Variants in MDH1B observed in about 807,000 individuals in gnomAD.
MDH1B encodes putative malate dehydrogenase 1B.
MDH1B carries 60 observed loss-of-function variants against 61.4 expected under a neutral mutation model. The ratio of observed to expected loss-of-function variants is 0.98; its 90% CI spans 0.79 to 1.21. MDH1B has a LOEUF of 1.21. MDH1B is among the 50% of genes most tolerant of loss of function. MDH1B has a pLI of 0.00. For synonymous variants in MDH1B, 236 were observed against 218.7 expected (o/e 1.08, Z -0.70); for missense variants, 587 against 632.1 (o/e 0.93, Z 0.76).
intron 3 of MDH1B, 22 bp from the exon 4 acceptor site, chr2:206,757,062 G>A (rs1451698473): frequency 4.4e-6 from 7 of 1,606,464 alleles, no homozygotes; most frequent in Non-Finnish European, 6.0e-6. Flanking sequence ...GAGAGAAAAA[G>A]TCAATATCAG....
intron 5 of MDH1B, among the ~76,000 whole-genome samples, chr2:206,754,420 A>G (rs1179829843): frequency 2.0e-5 from 3 of 152,178 alleles, no homozygotes; most frequent in African/African-American, 7.2e-5. Flanking sequence ...TTTACCATTC[A>G]AAGATTAATA....
chr2:206,761,102 G>A (rs1284820394), intron 1 of MDH1B, 89 bp from the exon 2 acceptor site: 1 of 678,484 alleles, frequency 1.5e-6, no homozygotes, highest in Admixed American at 2.5e-5. Context: ...TACAGAATTA[G>A]TCATAGTTAT....
chr2:206,741,837 G>C (rs1332974161), intron 9 of MDH1B, among the ~76,000 whole-genome samples: 1 of 152,104 alleles, frequency 6.6e-6, no homozygotes, highest in Non-Finnish European at 1.5e-5. Context: ...TCTGGAGTTG[G>C]CTGCTTAGTA....
chr2:206,757,280 C>A lies in MDH1B; in HGVS notation c.227G>T (p.Gly76Val). ...CTCATTATATCCTCCCAAAAGCAAA[C>A]CCTTTCCTCCACGATCCAACAGCTC... is the stretch of plus-strand genomic sequence containing the variant. The part of the protein sequence containing the change: ...WRELLDRGGK[G>V]LLLGGYNEFL... Residue 76 changes from glycine (G) to valine (V), a missense_variant, in exon 3 of 12, where the codon GGT becomes GTT. Coordinates refer to ENST00000374412, the MANE Select transcript of MDH1B (RefSeq NM_001039845.3). The A allele has an allele frequency of 6.2e-7, 1 of 1,614,076 alleles. No individual in the cohort carries two copies. The highest frequency in any genetic ancestry group is 8.5e-7 in the Non-Finnish European group (1 of 1,179,948).
In MDH1B at chr2:206,755,269, C is replaced by T. The variant is rs746838772; in HGVS notation, c.650G>A (p.Ser217Asn). The change falls in exon 5 of 12, where the codon AGC becomes AAC. Residue 217 changes from serine (S) to asparagine (N), a missense_variant. Coordinates refer to ENST00000374412, the MANE Select transcript of MDH1B (RefSeq NM_001039845.3). ...CAGAGTGAACACCTCCTTGTTGGTG[C>T]TGTCATCCAGCACCACAATGACGTG... Reference protein sequence around the residue: ...QAHVIVVLDDSTNKEVFTLED... With the variant: ...QAHVIVVLDDNTNKEVFTLED... 1.2e-6 allele frequency: 2 copies of T among 1,614,198 alleles called. No individual in the cohort carries two copies. Among genetic ancestry groups the T allele is most frequent in the Non-Finnish European group, 1.7e-6 (2 of 1,180,042 alleles).
At position 206,738,515 on chromosome 2, in the gene MDH1B, T is replaced by C; in HGVS notation, c.1529-4A>G. 3 of 1,576,762 alleles carry C rather than the reference T, an allele frequency of 1.9e-6. No individual in the cohort carries two copies. The highest frequency in any genetic ancestry group is 2.6e-6 in the Non-Finnish European group (3 of 1,155,058). On this transcript the variant is annotated splice_region_variant and splice_polypyrimidine_tract_variant and intron_variant, in intron 11 of 11. Coordinates refer to ENST00000374412, the MANE Select transcript of MDH1B (RefSeq NM_001039845.3). The stretch of plus-strand genomic sequence containing the variant: ...TCCACGGTTTTGCCTTCAAATTCTG[T>C]AAAAGGAAAAGAATGAAAAGACATA...
intron 7 of MDH1B, among the ~76,000 whole-genome samples, chr2:206,747,593 G>A (rs1688188847): frequency 6.6e-6 from 1 of 152,172 alleles, no homozygotes; most frequent in African/African-American, 2.4e-5. Flanking sequence ...AAGAAGCAAA[G>A]AGGTGGCCCA....
intron 2 of MDH1B, among the ~76,000 whole-genome samples, chr2:206,759,199 C>G (rs1443962244): frequency 6.6e-6 from 1 of 152,070 alleles, no homozygotes; most frequent in African/African-American, 2.4e-5. Context: ...GTGTTCTTAT[C>G]ATTTAGCCCC....
chr2:206,765,226 C>T (rs1285904972), intron 1 of MDH1B, 24 bp downstream of exon 1: 2 of 1,599,338 alleles, frequency 1.3e-6, no homozygotes, highest in South Asian at 2.2e-5. Flanking sequence ...GAGCAATCTG[C>T]GGGCGGACGC....
At chr2:206,742,838 A>G (rs1015625093) in intron 9 of MDH1B, among the ~76,000 whole-genome samples, 1 of 151,260 alleles carries the variant, frequency 6.6e-6, no homozygotes. Flanking sequence ...CAGCCTCCCA[A>G]GTAGCTGGGA....
chr2:206,759,274 G>T (rs1304967602), intron 2 of MDH1B, among the ~76,000 whole-genome samples: 1 of 152,114 alleles, frequency 6.6e-6, no homozygotes, highest in East Asian at 1.9e-4. Flanking sequence ...TAAGGATAAT[G>T]ATCTCCAGCT....
Position 206,755,319 on chromosome 2 carries a change from C to T in MDH1B, c.600G>A (p.Lys200=), listed in dbSNP as rs757181949. 1 of 1,614,234 alleles carries T rather than the reference C, an allele frequency of 6.2e-7. No individual in the cohort carries two copies. Among genetic ancestry groups the T allele is most frequent in the Non-Finnish European group, 8.5e-7 (1 of 1,180,050 alleles). The change falls in exon 5 of 12, where the codon AAG becomes AAA. Residue 200 remains lysine, a synonymous_variant. Coordinates refer to ENST00000374412, the MANE Select transcript of MDH1B (RefSeq NM_001039845.3). The stretch of plus-strand genomic sequence containing the variant: ...GGGCCTGGCGGAAGGCCTCCTCCAC[C>T]TTCGTGCAGATGGAGACACTGCGCA... The part of the protein sequence containing the change: ...PVLRSVSICT[K]VEEAFRQAHV...
chr2:206,765,299 C>A lies in MDH1B; in HGVS notation c.-28G>T. The A allele has an allele frequency of 6.3e-7, 1 of 1,577,816 alleles. No individual in the cohort carries two copies. The highest frequency in any genetic ancestry group is 8.6e-7 in the Non-Finnish European group (1 of 1,167,058). ...TCGAGAGAGACTCAGAGGCAGGGAC[C>A]GCGGCTTCGCGGTTTCCTGGCAACC... On this transcript the variant is annotated 5_prime_UTR_variant, in exon 1 of 12. Transcript: ENST00000374412.
At chr2:206,759,916 G>C (rs556493896) in intron 2 of MDH1B, among the ~76,000 whole-genome samples, 2 of 152,322 alleles carry the variant, frequency 1.3e-5, no homozygotes, top group East Asian at 3.9e-4. Flanking sequence ...TATAATGGAT[G>C]GTAGAGAAGA....
intron 2 of MDH1B, among the ~76,000 whole-genome samples, chr2:206,760,195 G>A (rs1429118315): frequency 6.6e-6 from 1 of 152,158 alleles, no homozygotes; most frequent in Non-Finnish European, 1.5e-5. Flanking sequence ...CAGGCACCTG[G>A]TGTATTAGAG....
chr2:206,745,795 G>A (rs1001702862), intron 8 of MDH1B, 122 bp from the exon 9 acceptor site: 13 of 655,120 alleles, frequency 2.0e-5, no homozygotes, highest in East Asian at 2.9e-5. Context: ...GTGCAGTGGC[G>A]CAATCTCAGC....
At chr2:206,755,625 C>T in intron 4 of MDH1B, 120 bp from the exon 5 acceptor site, 2 of 1,225,984 alleles carry the variant, frequency 1.6e-6, no homozygotes, top group South Asian at 3.2e-5. Flanking sequence ...TAAATAAGCA[C>T]ACACATAGCT....
Position 206,751,071 on chromosome 2 carries a change from A to G in MDH1B, c.915T>C (p.Ile305=), listed in dbSNP as rs1574634637. 6.4e-7 allele frequency: 1 copy of G among 1,566,042 alleles called. No homozygotes were observed. The highest frequency in any genetic ancestry group is 8.7e-7 in the Non-Finnish European group (1 of 1,153,144). ...TATTACCCCAAATGATCACGTCTTT[A>G]ATGTCTGTGAAGAATAGAAAGTTTA... ...ARKLKTAPSY[I]KDVIIWGNIS... is the part of the protein sequence containing the mutation. The change falls in exon 6 of 12, where the codon ATT becomes ATC. Residue 305 remains isoleucine (I), a synonymous_variant. Transcript: ENST00000374412.
intron 10 of MDH1B, 46 bp from the exon 11 acceptor site, chr2:206,739,707 T>A (rs1446945616): frequency 6.4e-7 from 1 of 1,566,548 alleles, no homozygotes; most frequent in East Asian, 2.2e-5. Context: ...TAAAGCGCAA[T>A]AATTTTTGCA....
Sources: gnomAD v4.1 joint callset for allele counts (sites outside exome capture counted in the v4.1 genomes callset) on GRCh38, gnomAD v4.1.1 for gene constraint, MANE v1.5 for transcripts, NCBI Gene and HGNC (gene_info 2026-07-23, HGNC 2026-07-21) for gene names.